Variants in WDR33 observed in about 807,000 individuals in gnomAD.
WDR33 encodes pre-mRNA 3' end processing protein WDR33.
A neutral mutation model predicts 164.9 loss-of-function variants in WDR33; 47 were observed. That is an observed-to-expected ratio of 0.29 (90% CI 0.23 to 0.36). WDR33 has a LOEUF of 0.36. Ranked by LOEUF, WDR33 falls within the 10% of genes least tolerant of loss-of-function variation. The probability of loss-of-function intolerance (pLI) is 1.00; values close to 1 mark genes in which losing one functional copy is unlikely to be tolerated. For synonymous variants in WDR33, 505 were observed against 589.0 expected (o/e 0.86, Z 2.06); for missense variants, 1,137 against 1,754.1 (o/e 0.65, Z 6.28).
intron 1 of WDR33, among the ~76,000 whole-genome samples, chr2:127,801,522 CAAAAA>C (rs78069448): frequency 7.3e-6 from 1 of 136,616 alleles, no homozygotes. Flanking sequence ...AAACACACAA[CAAAAA>C]AAAAAAAAAC....
intron 7 of WDR33, among the ~76,000 whole-genome samples, chr2:127,740,952 A>C (rs1686997390): frequency 6.6e-6 from 1 of 152,222 alleles, no homozygotes; most frequent in Non-Finnish European, 1.5e-5. Context: ...AAACAGATGG[A>C]CCCTACCTAT....
Position 127,717,389 on chromosome 2 carries a change from A to AT in WDR33, c.2761-127dup. Reference sequence around the variant, plus strand: ...ATTTACCTAGTAAGATTACAGTAACATTGTCCTTAAATCAGGAGAAAGGAG... The same window carrying AT: ...ATTTACCTAGTAAGATTACAGTAACATTTGTCCTTAAATCAGGAGAAAGGAG... On this transcript the variant is annotated intron_variant, in intron 16 of 21. Transcript: ENST00000322313. This position sits in a 1 kb window ranked among gnomAD's most constrained non-coding sequence, Gnocchi z 5.6. 3 of 751,174 alleles carry AT rather than the reference A, an allele frequency of 4.0e-6. No homozygotes were observed. In the South Asian group the frequency reaches 7.3e-5, roughly 18 times the overall value. The allele number at this position is 751,174 out of a possible 1,614,324, so 46.5% of individuals were successfully genotyped here. A position where few individuals can be genotyped will look rare whatever the true frequency, so the allele number is the denominator to read the frequency against.
chr2:127,763,437 T>A lies in WDR33; in HGVS notation c.627-278A>T. The A allele has an allele frequency of 1.7e-6, 2 of 1,163,178 alleles. No homozygotes were observed. Among genetic ancestry groups the A allele is most frequent in the South Asian group, 2.7e-5 (1 of 36,828 alleles). 72.1% of individuals were successfully genotyped at this position (1,163,178 alleles called of 1,614,324 possible). A position where few individuals can be genotyped will look rare whatever the true frequency, so the allele number is the denominator to read the frequency against. ...AATGCTATCCATGTTCCTTCTCTAT[T>A]TTCTATGATACGAGGAAATCACATG... On this transcript the variant is annotated intron_variant, in intron 6 of 21. Transcript: ENST00000322313. This position sits in a 1 kb window ranked among gnomAD's most constrained non-coding sequence, Gnocchi z 4.5.
rs765386141 is a variant in WDR33 at position 127,722,019 on chromosome 2, G to A, written c.1519-31C>T. The A allele has an allele frequency of 1.1e-5, 17 of 1,600,738 alleles. No homozygotes were observed. Among genetic ancestry groups the A allele is most frequent in the South Asian group, 5.6e-5 (5 of 88,752 alleles). ...GAAAGAAGAGAATATTAAAATGTAC[G>A]CTAAGTATGAAAATTACAATGATAG... On this transcript the variant is annotated intron_variant, in intron 14 of 21. Coordinates refer to ENST00000322313, the MANE Select transcript of WDR33 (RefSeq NM_018383.5). The surrounding 1 kb of genome is among the most constrained non-coding windows in gnomAD (Gnocchi z 5.1).
chr2:127,709,465 C>T lies in WDR33; in HGVS notation c.3565+25G>A, dbSNP rs1686099764. ...CTTTGTGAACTGCAGTCTAGAGTTA[C>T]CCAACAAGCGGTTCTTTTCCTTACC... On this transcript the variant is annotated intron_variant, in intron 20 of 21. Coordinates refer to ENST00000322313, the MANE Select transcript of WDR33 (RefSeq NM_018383.5). This position sits in a 1 kb window ranked among gnomAD's most constrained non-coding sequence, Gnocchi z 5.0. 1 of 1,611,110 alleles carries T rather than the reference C, an allele frequency of 6.2e-7. No homozygotes were observed. Among genetic ancestry groups the T allele is most frequent in the Non-Finnish European group, 8.5e-7 (1 of 1,177,408 alleles).
At chr2:127,737,061 A>C (rs1181725579) in intron 7 of WDR33, 1 of 985,444 alleles carries the variant, frequency 1.0e-6, no homozygotes, top group Non-Finnish European at 1.2e-6. Context: ...ACCAGAAAGA[A>C]GCAATTTTGC....
chr2:127,727,007 T>A (rs1019440132), intron 7 of WDR33, among the ~76,000 whole-genome samples: 1 of 152,146 alleles, frequency 6.6e-6, no homozygotes, highest in South Asian at 2.1e-4. Flanking sequence ...CCCAAGTGCA[T>A]CTTCTCACCT....
In WDR33 at chr2:127,746,664, G is replaced by A. The variant is rs144753238; in HGVS notation, c.724+16398C>T. 6.2e-3 allele frequency among the ~76,000 whole-genome samples: 946 copies of A among 152,314 alleles called. 20 individuals are homozygous for A. Among genetic ancestry groups the A allele is most frequent in the South Asian group, 0.059 (285 of 4,830 alleles). ...AAGCCAAACTTGCTGACTCTCAGCTGAGTGATGTTTAAAGTTCCCCAGAGG... is the reference window on the plus strand; with the variant it reads ...AAGCCAAACTTGCTGACTCTCAGCTAAGTGATGTTTAAAGTTCCCCAGAGG... On this transcript the variant is annotated intron_variant, in intron 7 of 21. Transcript: ENST00000322313.
At position 127,701,825 on chromosome 2, in the gene WDR33, G is replaced by C; in HGVS notation, c.*4498C>G. 6.9e-7 allele frequency: 1 copy of C among 1,457,676 alleles called. No homozygotes were observed. The highest frequency in any genetic ancestry group is 9.0e-7 in the Non-Finnish European group (1 of 1,109,146). The allele number at this position is 1,457,676 out of a possible 1,614,324, so 90.3% of individuals were successfully genotyped here. On this transcript the variant is annotated 3_prime_UTR_variant, in exon 22 of 22. Transcript: ENST00000322313. ...TCGGCCTAGCCGCGCTCTACGCACC[G>C]GTGTTGCTGCTGCGCGCGCGCAAGT...
At chr2:127,748,662 G>A (rs564736272) in intron 7 of WDR33, among the ~76,000 whole-genome samples, 4 of 152,268 alleles carry the variant, frequency 2.6e-5, no homozygotes, top group Non-Finnish European at 5.9e-5. Flanking sequence ...TCTGGGTTAT[G>A]TCTAGATTTA....
At position 127,741,724 on chromosome 2, in the gene WDR33, G is replaced by A. The variant is rs182355139; in HGVS notation, c.725-14947C>T. On this transcript the variant is annotated intron_variant, in intron 7 of 21. Coordinates refer to ENST00000322313, the MANE Select transcript of WDR33 (RefSeq NM_018383.5). This position sits in a 1 kb window ranked among gnomAD's most constrained non-coding sequence, Gnocchi z 4.1. ...AAAAATACAGATTATATGACTTTAG[G>A]GAAAACAAACAGGAACAACAGATCA... 5.3e-5 allele frequency among the ~76,000 whole-genome samples: 8 copies of A among 151,982 alleles called. No homozygotes were observed. The highest frequency in any genetic ancestry group is 6.8e-3 in the Middle Eastern group (2 of 294).
At chr2:127,773,365 A>G (rs1165416436) in intron 1 of WDR33, among the ~76,000 whole-genome samples, 1 of 152,182 alleles carries the variant, frequency 6.6e-6, no homozygotes, top group African/African-American at 2.4e-5. Context: ...TACTTCATTC[A>G]GCCTTGTCAC....
intron 1 of WDR33, among the ~76,000 whole-genome samples, chr2:127,808,181 A>T (rs1336536199): frequency 6.6e-6 from 1 of 151,714 alleles, no homozygotes; most frequent in African/African-American, 2.4e-5. Context: ...TCACAGAAAG[A>T]AAAAAAATGT....
rs183883815 is a variant in WDR33, at chr2:127,731,027, C to T, written c.725-4250G>A. Among the ~76,000 whole-genome samples, 14 of 151,784 alleles carry T rather than the reference C, an allele frequency of 9.2e-5. No individual in the cohort carries two copies. In the East Asian group the frequency reaches 1.2e-3, roughly 13 times the overall value. On this transcript the variant is annotated intron_variant, in intron 7 of 21. Coordinates refer to ENST00000322313, the MANE Select transcript of WDR33 (RefSeq NM_018383.5). Reference sequence around the variant, plus strand: ...AACAAAAATTGATCAGGCACGGTGGCGCATGCCTGTAATCCCAGCACTTTG... The same window carrying T: ...AACAAAAATTGATCAGGCACGGTGGTGCATGCCTGTAATCCCAGCACTTTG...
At chr2:127,762,351 A>G (rs1316139453) in intron 7 of WDR33, 3 of 265,114 alleles carry the variant, frequency 1.1e-5, no homozygotes, top group Admixed American at 1.3e-4. Flanking sequence ...GCATATATAC[A>G]ACAAATTCCT....
At chr2:127,795,262 G>A (rs931159066) in intron 1 of WDR33, among the ~76,000 whole-genome samples, 1 of 151,550 alleles carries the variant, frequency 6.6e-6, no homozygotes, top group Non-Finnish European at 1.5e-5. Flanking sequence ...CACCATGCCC[G>A]GCTAATTTTT....
At chr2:127,725,825 C>A (rs535482265) in intron 8 of WDR33, among the ~76,000 whole-genome samples, 1 of 151,642 alleles carries the variant, frequency 6.6e-6, no homozygotes, top group East Asian at 1.9e-4. Flanking sequence ...ATCCGTGAAG[C>A]AGGGGAAGCA....
At chr2:127,762,658 GATAC>G (rs1345654289) in intron 7 of WDR33, 1 of 997,588 alleles carries the variant, frequency 1.0e-6, no homozygotes. Flanking sequence ...GTGTAGCTTT[GATAC>G]CTCTATCTTG....
rs2105365706 is a variant in WDR33, at chr2:127,703,590, GCCTTGTTCCCCATCAGTAAACAAGGTTA to G, written c.*2705_*2732del. 1 of 167,180 alleles carries G rather than the reference GCCTTGTTCCCCATCAGTAAACAAGGTTA, an allele frequency of 6.0e-6. No individual in the cohort carries two copies. Among genetic ancestry groups the G allele is most frequent in the East Asian group, 1.9e-4 (1 of 5,192 alleles). The allele number at this position is 167,180 out of a possible 1,614,324, so 10.4% of individuals were successfully genotyped here. A position where few individuals can be genotyped will look rare whatever the true frequency, so the allele number is the denominator to read the frequency against. Reference sequence around the variant, plus strand: ...GCCCTGAGATTTGGTAAAGAACACTGCCTTGTTCCCCATCAGTAAACAAGGTTACCTACCTCAGGAGGCTGCTTGTGAG... The same window carrying G: ...GCCCTGAGATTTGGTAAAGAACACTGCCTACCTCAGGAGGCTGCTTGTGAG... On this transcript the variant is annotated 3_prime_UTR_variant, in exon 22 of 22. Transcript: ENST00000322313.
Sources: allele counts gnomAD v4.1 joint callset (sites outside exome capture counted in the v4.1 genomes callset), GRCh38; gene constraint gnomAD v4.1.1; non-coding constraint Gnocchi (gnomAD v3.1); transcripts MANE v1.5; gene names NCBI Gene and HGNC (gene_info 2026-07-23, HGNC 2026-07-21).